KEL: variants seen among roughly 807,000 people sequenced by gnomAD.
KEL encodes kell blood group glycoprotein.
KEL carries 96 observed loss-of-function variants against 99.5 expected under a neutral mutation model. The ratio of observed to expected loss-of-function variants is 0.97; its 90% CI spans 0.82 to 1.14. The LOEUF (loss-of-function observed/expected upper bound fraction) is 1.14. Ranked by LOEUF, KEL falls within the 50% of genes most tolerant of loss-of-function variation. The probability of loss-of-function intolerance (pLI) is 0.00; values close to 1 mark genes in which losing one functional copy is unlikely to be tolerated. For missense variants in KEL, 926 were observed against 924.2 expected, an observed-to-expected ratio of 1.00 and a Z score of -0.03; for synonymous variants, 355 against 354.8, an observed-to-expected ratio of 1.00 and a Z score of -0.01.
At chr7:142,952,708 T>C in intron 9 of KEL, 70 bp from the exon 10 acceptor site, 1 of 1,573,578 alleles carries the variant, frequency 6.4e-7, no homozygotes, top group Admixed American at 1.7e-5. Context: ...AGCCTCTCCT[T>C]GTGTAAGTCA....
chr7:142,953,369 C>T (rs1796738654), intron 9 of KEL: 1 of 985,016 alleles, frequency 1.0e-6, no homozygotes. Flanking sequence ...TTCCCCTAAG[C>T]ATCCCCAGCC....
chr7:142,950,463 C>T (rs1273642371), intron 10 of KEL, among the ~76,000 whole-genome samples: 1 of 152,210 alleles, frequency 6.6e-6, no homozygotes, highest in Non-Finnish European at 1.5e-5. Flanking sequence ...AAGTTTTAGC[C>T]AGCCTGCCTC....
chr7:142,952,115 A>C (rs576518601), intron 10 of KEL, among the ~76,000 whole-genome samples: 1 of 152,144 alleles, frequency 6.6e-6, no homozygotes, highest in Non-Finnish European at 1.5e-5. Context: ...TCAACTAGAC[A>C]TAAGGAAGGC....
At position 142,954,452 on chromosome 7, in the gene KEL, T is replaced by A. The variant is rs878948127; in HGVS notation, c.735+13A>T. 1 of 1,613,044 alleles carries A rather than the reference T, an allele frequency of 6.2e-7. No homozygotes were observed. The highest frequency in any genetic ancestry group is 1.7e-5 in the Admixed American group (1 of 60,022). On this transcript the variant is annotated intron_variant, in intron 7 of 18. Transcript: ENST00000355265. The stretch of plus-strand genomic sequence containing the variant: ...CCTCAGAGGGCAGGGCCTTTGTCCA[T>A]GTGCCATCTTACCTGGGCATAGATC...
At chr7:142,942,249 T>G (rs1192775995) in intron 18 of KEL, 185 bp downstream of exon 18, 2 of 613,048 alleles carry the variant, frequency 3.3e-6, no homozygotes, top group Admixed American at 5.4e-5. Context: ...TAGAAGAACC[T>G]GTAGTCATCT....
At chr7:142,950,944 CA>C (rs1048347845) in intron 10 of KEL, among the ~76,000 whole-genome samples, 14 of 152,102 alleles carry the variant, frequency 9.2e-5, no homozygotes, top group Middle Eastern at 3.2e-3. Context: ...TTTGCTTCTG[CA>C]AAATGGGGAT....
intron 10 of KEL, among the ~76,000 whole-genome samples, chr7:142,949,701 G>A (rs944917403): frequency 1.3e-5 from 2 of 152,074 alleles, no homozygotes; most frequent in African/African-American, 2.4e-5. Flanking sequence ...AACCTGACCC[G>A]ATGCCCTTCT....
chr7:142,946,168 G>A (rs756348701), intron 11 of KEL, 39 bp downstream of exon 11: 28 of 1,394,206 alleles, frequency 2.0e-5, no homozygotes, highest in South Asian at 1.2e-4. Context: ...TGGGTAGGAA[G>A]GGGTGGAGGG....
chr7:142,950,361 C>A (rs1474770649), intron 10 of KEL, among the ~76,000 whole-genome samples: 5 of 152,200 alleles, frequency 3.3e-5, no homozygotes, highest in Non-Finnish European at 5.9e-5. Flanking sequence ...TTCTCAAACA[C>A]CTGGAGCATG....
intron 18 of KEL, chr7:142,942,226 G>T (rs1796378567): frequency 3.4e-6 from 2 of 592,012 alleles, no homozygotes; most frequent in African/African-American, 1.9e-5. Flanking sequence ...AGTTGTGGGG[G>T]TGCTGAACTA....
Position 142,955,112 on chromosome 7 carries a change from C to A in KEL, c.673-585G>T, listed in dbSNP as rs1039174652. Among the ~76,000 whole-genome samples the A allele has an allele frequency of 2.6e-5, 4 of 152,244 alleles. No individual in the cohort carries two copies. In the South Asian group the frequency reaches 8.3e-4, roughly 32 times the overall value. On this transcript the variant is annotated intron_variant, in intron 6 of 18. Coordinates refer to ENST00000355265, the MANE Select transcript of KEL (RefSeq NM_000420.3). ...GCATTGTTGGGTGGAGCTCTCTGAA[C>A]CTCTACTGCTTCAGGATGCTGCCCA... is the stretch of plus-strand genomic sequence containing the variant.
chr7:142,961,360 G>C lies in KEL; in HGVS notation c.223C>G (p.Arg75Gly). The change falls in exon 3 of 19, where the codon CGC becomes GGC. Residue 75 changes from arginine to glycine, a missense_variant and splice_region_variant. Transcript: ENST00000355265. ...LFYNFQNCGPRPCETSVCLDL... is the reference protein window; with the variant it reads ...LFYNFQNCGPGPCETSVCLDL... ...TTAGGGGGTCTGGGATCTTGCTTACGAGGGCCACAGTTCTGGAAGTTGTAG... is the reference window on the plus strand; with the variant it reads ...TTAGGGGGTCTGGGATCTTGCTTACCAGGGCCACAGTTCTGGAAGTTGTAG... 2 of 1,613,152 alleles carry C rather than the reference G, an allele frequency of 1.2e-6. No individual in the cohort carries two copies. The highest frequency in any genetic ancestry group is 1.7e-6 in the Non-Finnish European group (2 of 1,180,034).
intron 8 of KEL, 33 bp downstream of exon 8, chr7:142,954,151 G>A (rs761584254): frequency 1.9e-6 from 3 of 1,593,040 alleles, no homozygotes; most frequent in Middle Eastern, 1.7e-4. Flanking sequence ...AGATCCCCAT[G>A]CCCACAGTCT....
At chr7:142,958,173 C>T in intron 5 of KEL, 131 bp downstream of exon 5, 1 of 1,397,842 alleles carries the variant, frequency 7.2e-7, no homozygotes, top group Non-Finnish European at 1.0e-6. Context: ...TTTCCATCTC[C>T]ATCTCCCTCC....
intron 1 of KEL, 111 bp from the exon 2 acceptor site, chr7:142,961,983 C>T: frequency 6.2e-7 from 1 of 1,607,886 alleles, no homozygotes; most frequent in Non-Finnish European, 8.5e-7. Context: ...CCTGCCCCCA[C>T]ACACATATTT....
At chr7:142,941,440 G>A in intron 18 of KEL, 27 bp from the exon 19 acceptor site, 1 of 1,561,992 alleles carries the variant, frequency 6.4e-7, no homozygotes. Context: ...GTCATTGAAG[G>A]GGGAGGGTCC....
chr7:142,958,383 A>G lies in KEL; in HGVS notation c.446T>C (p.Phe149Ser). ...WHPGSGEEKA[F>S]QFYNSCMDTL... ...ATCCATGCAGGAGTTGTAGAACTGG[A>G]AGGCTTTCTCCTCCCCAGAGCCTGG... Residue 149 changes from phenylalanine to serine, a missense_variant, in exon 5 of 19, where the codon TTC (phenylalanine) becomes TCC (serine). Transcript: ENST00000355265. The G allele has an allele frequency of 3.1e-6, 5 of 1,614,140 alleles. No homozygotes were observed. Among genetic ancestry groups the G allele is most frequent in the Non-Finnish European group, 4.2e-6 (5 of 1,180,024 alleles).
In KEL at chr7:142,944,487, C is replaced by T. The variant is rs1278515279; in HGVS notation, c.1414-87G>A. ...CACTCGTTGCCCTGTCCCAGCCTCT[C>T]ACATTGTTGCCAGTGTGAGTATACA... On this transcript the variant is annotated intron_variant, in intron 12 of 18. Transcript: ENST00000355265. The T allele has an allele frequency of 7.1e-6, 9 of 1,264,196 alleles. No individual in the cohort carries two copies. The East Asian group carries it at 9.3e-5, about 13-fold the overall frequency. The allele number at this position is 1,264,196 out of a possible 1,614,324, so 78.3% of individuals were successfully genotyped here. A position where few individuals can be genotyped will look rare whatever the true frequency, so the allele number is the denominator to read the frequency against.
At chr7:142,955,008 A>G (rs534791232) in intron 6 of KEL, among the ~76,000 whole-genome samples, 1 of 152,312 alleles carries the variant, frequency 6.6e-6, no homozygotes, top group African/African-American at 2.4e-5. Flanking sequence ...GACCATGCCC[A>G]TTAAAGACAA....
Sources: gnomAD v4.1 joint callset for allele counts (sites outside exome capture counted in the v4.1 genomes callset) on GRCh38, gnomAD v4.1.1 for gene constraint, MANE v1.5 for transcripts, NCBI Gene and HGNC (gene_info 2026-07-23, HGNC 2026-07-21) for gene names.